The following SLX4IP variants were observed in gnomAD, a reference collection of about 807,000 sequenced individuals.
The protein encoded by SLX4IP is SLX4 interacting protein.
In SLX4IP, 34 loss-of-function variants were observed where a neutral mutation model predicts 32.9. That is an observed-to-expected ratio of 1.03 (90% CI 0.79 to 1.38). The LOEUF is 1.38. Among genes scored for constraint, SLX4IP ranks in the 40% most tolerant of loss-of-function variants. The pLI, the probability that SLX4IP is intolerant of heterozygous loss-of-function variation, is 0.00. For missense variants in SLX4IP, 444 were observed against 479.0 expected (o/e 0.93, Z 0.68); for synonymous variants, 172 against 171.7 (o/e 1.00, Z -0.01).
At chr20:10,553,318 C>G (rs2066236099) in intron 2 of SLX4IP, among the ~76,000 whole-genome samples, 1 of 149,254 alleles carries the variant, frequency 6.7e-6, no homozygotes, top group East Asian at 2.0e-4. Context: ...AGACCCAATG[C>G]CTTAATAAAC....
chr20:10,460,123 T>G (rs993988578), intron 2 of SLX4IP, among the ~76,000 whole-genome samples: 2 of 152,226 alleles, frequency 1.3e-5, no homozygotes, highest in African/African-American at 4.8e-5. Flanking sequence ...GTGATGAACT[T>G]TCACTATTTG....
chr20:10,606,368 A>G (rs980503075), intron 6 of SLX4IP, among the ~76,000 whole-genome samples: 1 of 152,228 alleles, frequency 6.6e-6, no homozygotes, highest in Non-Finnish European at 1.5e-5. Context: ...TATAAATCAG[A>G]TCATTCAAGA....
chr20:10,597,840 T>G (rs898552014), intron 4 of SLX4IP, among the ~76,000 whole-genome samples: 6 of 152,242 alleles, frequency 3.9e-5, no homozygotes, highest in African/African-American at 1.4e-4. Flanking sequence ...TGTCCTGCAT[T>G]CTTGCCAACA....
intron 3 of SLX4IP, among the ~76,000 whole-genome samples, chr20:10,560,058 G>T (rs1181210677): frequency 6.6e-6 from 1 of 152,202 alleles, no homozygotes; most frequent in Non-Finnish European, 1.5e-5. Context: ...TTTGAAAAAT[G>T]GGATAGTTTA....
chr20:10,532,071 C>T (rs1450678700), intron 2 of SLX4IP, among the ~76,000 whole-genome samples: 2 of 152,108 alleles, frequency 1.3e-5, no homozygotes, highest in Non-Finnish European at 2.9e-5. Context: ...TCACTGTGGG[C>T]CTCATCTGAG....
chr20:10,478,236 G>T (rs1435999699), intron 2 of SLX4IP, among the ~76,000 whole-genome samples: 1 of 152,210 alleles, frequency 6.6e-6, no homozygotes, highest in Non-Finnish European at 1.5e-5. Flanking sequence ...GACAGCAAAA[G>T]AAAGGGAGCT....
At chr20:10,488,472 T>C (rs1296092472) in intron 2 of SLX4IP, among the ~76,000 whole-genome samples, 1 of 152,138 alleles carries the variant, frequency 6.6e-6, no homozygotes, top group Non-Finnish European at 1.5e-5. Context: ...TCTAGAACTG[T>C]GAGAGAGTAC....
chr20:10,459,663 G>A (rs2065319678), intron 2 of SLX4IP, among the ~76,000 whole-genome samples: 1 of 152,180 alleles, frequency 6.6e-6, no homozygotes. Context: ...TTCTCTACCT[G>A]GGTAAATGCC....
At chr20:10,531,567 C>T (rs775178461) in intron 2 of SLX4IP, among the ~76,000 whole-genome samples, 6 of 152,072 alleles carry the variant, frequency 3.9e-5, no homozygotes, top group Non-Finnish European at 8.8e-5. Flanking sequence ...TGAATAAGAC[C>T]GACAAAGTCC....
chr20:10,610,587 A>G (rs1423567160), intron 6 of SLX4IP, among the ~76,000 whole-genome samples: 2 of 152,246 alleles, frequency 1.3e-5, no homozygotes, highest in Non-Finnish European at 2.9e-5. Context: ...TGCCTCGTGC[A>G]TGTCTCACGT....
chr20:10,604,591 C>G (rs145615268), intron 6 of SLX4IP, among the ~76,000 whole-genome samples: 2 of 152,334 alleles, frequency 1.3e-5, no homozygotes, highest in African/African-American at 4.8e-5. Flanking sequence ...AGGGAGTAAT[C>G]CCCCTCCTTT....
chr20:10,609,147 A>T (rs2066938842), intron 6 of SLX4IP, among the ~76,000 whole-genome samples: 1 of 152,176 alleles, frequency 6.6e-6, no homozygotes, highest in South Asian at 2.1e-4. Flanking sequence ...AGCTGCCAGC[A>T]GACTCACATT....
chr20:10,511,537 A>G (rs963284531), intron 2 of SLX4IP, among the ~76,000 whole-genome samples: 3 of 152,248 alleles, frequency 2.0e-5, no homozygotes, highest in Non-Finnish European at 4.4e-5. Context: ...CCAGCAGAGT[A>G]TGTCCAGCTC....
chr20:10,485,673 A>G (rs562796100), intron 2 of SLX4IP, among the ~76,000 whole-genome samples: 12 of 152,162 alleles, frequency 7.9e-5, no homozygotes, highest in African/African-American at 2.7e-4. Context: ...TTAACTACTA[A>G]TAGCCTAGTG....
intron 6 of SLX4IP, among the ~76,000 whole-genome samples, chr20:10,617,708 G>A (rs2067054915): frequency 7.0e-6 from 1 of 142,674 alleles, no homozygotes; most frequent in African/African-American, 2.7e-5. Context: ...GAATGCAGTG[G>A]CACAATCATG....
chr20:10,504,684 T>G (rs1316474393), intron 2 of SLX4IP, among the ~76,000 whole-genome samples: 1 of 152,136 alleles, frequency 6.6e-6, no homozygotes, highest in Non-Finnish European at 1.5e-5. Flanking sequence ...AGGGGGCCTC[T>G]GCGAGGCTTG....
At chr20:10,566,062 T>C (rs920049773) in intron 4 of SLX4IP, among the ~76,000 whole-genome samples, 3 of 152,218 alleles carry the variant, frequency 2.0e-5, no homozygotes, top group East Asian at 1.9e-4. Flanking sequence ...GATGCTACCA[T>C]TCTAATTTCT....
At position 10,623,056 on chromosome 20, in the gene SLX4IP, G is replaced by A; in HGVS notation, c.904G>A (p.Ala302Thr). The change falls in exon 8 of 8, where the codon GCG becomes ACG. Residue 302 changes from alanine to threonine, a missense_variant. Coordinates refer to ENST00000334534, the MANE Select transcript of SLX4IP (RefSeq NM_001009608.3). The part of the protein sequence containing the change: ...TQQKRRNCSS[A>T]EDFDHHGRVS... ...ACAGAAACGCAGGAACTGCAGCTCT[G>A]CGGAAGACTTCGACCACCACGGGAG... The A allele has an allele frequency of 6.2e-7, 1 of 1,614,136 alleles. No individual in the cohort carries two copies. The highest frequency in any genetic ancestry group is 8.5e-7 in the Non-Finnish European group (1 of 1,179,980).
chr20:10,435,689 C>T (rs2122305777), intron 1 of SLX4IP, among the ~76,000 whole-genome samples: 1 of 152,318 alleles, frequency 6.6e-6, no homozygotes, highest in African/African-American at 2.4e-5. Flanking sequence ...ACTGTCTTTG[C>T]ACAAAGGGAA....
Sources: allele counts gnomAD v4.1 joint callset (sites outside exome capture counted in the v4.1 genomes callset), GRCh38; gene constraint gnomAD v4.1.1; transcripts MANE v1.5; gene names NCBI Gene and HGNC (gene_info 2026-07-23, HGNC 2026-07-21).